The following GRID1 variants were observed in gnomAD, a reference collection of about 807,000 sequenced individuals.
GRID1 encodes the protein glutamate ionotropic receptor delta type subunit 1, also known as glutamate receptor ionotropic, delta-1.
GRID1 carries 28 observed loss-of-function variants against 98.0 expected under a neutral mutation model. That is an observed-to-expected ratio of 0.29 (90% confidence interval 0.21 to 0.39). The LOEUF (loss-of-function observed/expected upper bound fraction) is 0.39, where lower values mean the gene tolerates loss of function less well. Ranked by LOEUF, GRID1 falls within the 10% of genes least tolerant of loss-of-function variation. The pLI is 1.00. For synonymous variants in GRID1, 553 were observed against 538.5 expected, an observed-to-expected ratio of 1.03 and a Z score of -0.37; for missense variants, 1,111 against 1,340.5, an observed-to-expected ratio of 0.83 and a Z score of 2.67.
rs368338243 is a variant in GRID1, at chr10:85,742,916, G to A, written c.1234-13302C>T. ...CAACCTGACACTATTGGCATTTGGGGCCAGATAATTATTTGTGGGTTGGGT... is the reference window on the plus strand; with the variant it reads ...CAACCTGACACTATTGGCATTTGGGACCAGATAATTATTTGTGGGTTGGGT... On this transcript the variant is annotated intron_variant, in intron 8 of 15. Coordinates refer to ENST00000327946, the MANE Select transcript of GRID1 (RefSeq NM_017551.3). Among the ~76,000 whole-genome samples the A allele has an allele frequency of 2.3e-4, 35 of 152,202 alleles. No individual in the cohort carries two copies. In the East Asian group the frequency reaches 3.3e-3, roughly 14 times the overall value.
rs541989915 is a variant in GRID1, at chr10:86,251,395, G to C, written c.236-44747C>G. The stretch of plus-strand genomic sequence containing the variant: ...AAAAAAATTGCATGTATTTTTATAT[G>C]CAATATGACATATTTATGCCAAATT... On this transcript the variant is annotated intron_variant, in intron 2 of 15. Transcript: ENST00000327946. Among the ~76,000 whole-genome samples the C allele has an allele frequency of 2.0e-5, 3 of 150,686 alleles. No individual in the cohort carries two copies. The South Asian group carries it at 6.3e-4, about 32-fold the overall frequency.
intron 15 of GRID1, chr10:85,605,249 G>A (rs900727876): frequency 2.6e-5 from 4 of 152,208 alleles, no homozygotes; most frequent in Admixed American, 6.5e-5. Flanking sequence ...TCGTTTTGGC[G>A]AATATTTGTA....
chr10:86,236,647 C>A (rs529620335), intron 2 of GRID1, among the ~76,000 whole-genome samples: 2 of 152,334 alleles, frequency 1.3e-5, no homozygotes, highest in South Asian at 2.1e-4. Context: ...AGTCTTCACA[C>A]AGCAAAGTGC....
At chr10:86,089,257 C>T (rs1844108319) in intron 4 of GRID1, among the ~76,000 whole-genome samples, 1 of 152,178 alleles carries the variant, frequency 6.6e-6, no homozygotes, top group African/African-American at 2.4e-5. Context: ...CCCTACTTCT[C>T]CCAGCCAGGG....
intron 4 of GRID1, among the ~76,000 whole-genome samples, chr10:86,114,895 T>C (rs1319162216): frequency 6.6e-6 from 1 of 152,136 alleles, no homozygotes; most frequent in Non-Finnish European, 1.5e-5. Context: ...CCAGTACAGG[T>C]ACTCTCACAG....
chr10:85,949,707 G>C (rs1842095494), intron 4 of GRID1, among the ~76,000 whole-genome samples: 1 of 152,134 alleles, frequency 6.6e-6, no homozygotes, highest in African/African-American at 2.4e-5. Context: ...CTGAAACTCA[G>C]TGAATAATCA....
intron 11 of GRID1, 50 bp from the exon 12 acceptor site, chr10:85,723,191 C>T: frequency 6.4e-7 from 1 of 1,551,720 alleles, no homozygotes; most frequent in Non-Finnish European, 8.7e-7. Flanking sequence ...GCTCTCCCTC[C>T]TATCCCCAGG....
chr10:86,268,272 T>C (rs1277252943), intron 2 of GRID1, among the ~76,000 whole-genome samples: 2 of 152,330 alleles, frequency 1.3e-5, no homozygotes, highest in East Asian at 3.9e-4. Flanking sequence ...ATGGAAGCCG[T>C]GTGATAAGCA....
At chr10:85,692,369 A>G (rs983592146) in intron 12 of GRID1, among the ~76,000 whole-genome samples, 3 of 152,206 alleles carry the variant, frequency 2.0e-5, no homozygotes, top group Non-Finnish European at 4.4e-5. Flanking sequence ...AGTGATAGAA[A>G]CAAAAGGAGA....
At chr10:86,170,363 T>C (rs990318327) in intron 3 of GRID1, among the ~76,000 whole-genome samples, 16 of 152,238 alleles carry the variant, frequency 1.1e-4, no homozygotes, top group African/African-American at 3.6e-4. Flanking sequence ...CAAGCCTCAG[T>C]TGACTCCCCG....
chr10:85,914,479 C>T (rs2131823242), intron 5 of GRID1, among the ~76,000 whole-genome samples: 1 of 152,262 alleles, frequency 6.6e-6, no homozygotes, highest in East Asian at 1.9e-4. Flanking sequence ...CAGTCTCTCA[C>T]AGGCTCTGAA....
chr10:85,660,455 C>A (rs963232577), intron 12 of GRID1, among the ~76,000 whole-genome samples: 2 of 152,144 alleles, frequency 1.3e-5, no homozygotes, highest in Non-Finnish European at 2.9e-5. Context: ...CTGGGGATAT[C>A]CAAACATATC....
chr10:86,287,980 C>T lies in GRID1; in HGVS notation c.235+75961G>A, dbSNP rs184356982. Among the ~76,000 whole-genome samples the T allele has an allele frequency of 3.3e-4, 50 of 152,244 alleles. No homozygotes were observed. The East Asian group carries it at 7.5e-3, about 23-fold the overall frequency. Reference sequence around the variant, plus strand: ...CACATGCTCCATGCAGGCCTAGCACCACCCTTCAAGCCTGCCCAGCCCCTG... The same window carrying T: ...CACATGCTCCATGCAGGCCTAGCACTACCCTTCAAGCCTGCCCAGCCCCTG... On this transcript the variant is annotated intron_variant, in intron 2 of 15. Coordinates refer to ENST00000327946, the MANE Select transcript of GRID1 (RefSeq NM_017551.3).
chr10:85,742,706 A>G (rs1216131800), intron 8 of GRID1, among the ~76,000 whole-genome samples: 1 of 152,132 alleles, frequency 6.6e-6, no homozygotes. Context: ...TTGTGACAAT[A>G]TTCCCCATCC....
At chr10:85,803,579 A>C (rs1397129713) in intron 8 of GRID1, among the ~76,000 whole-genome samples, 1 of 152,092 alleles carries the variant, frequency 6.6e-6, no homozygotes, top group African/African-American at 2.4e-5. Context: ...TTAATTAATA[A>C]ATTAATAACA....
chr10:85,831,460 A>T (rs1188715870), intron 8 of GRID1, among the ~76,000 whole-genome samples: 1 of 138,896 alleles, frequency 7.2e-6, no homozygotes, highest in Admixed American at 7.1e-5. Context: ...ATAAAATAAA[A>T]ATAAGAAAAA....
At chr10:86,213,584 C>T (rs1356885275) in intron 2 of GRID1, among the ~76,000 whole-genome samples, 1 of 152,072 alleles carries the variant, frequency 6.6e-6, no homozygotes, top group Non-Finnish European at 1.5e-5. Flanking sequence ...CTCCTCTGGC[C>T]TTTTCCCACA....
In GRID1 at chr10:85,916,225, G is replaced by A. The variant is rs746407429; in HGVS notation, c.741C>T (p.Asn247=). 13 of 1,613,280 alleles carry A rather than the reference G, an allele frequency of 8.1e-6. 1 individual carries two copies. The Admixed American group carries it at 8.3e-5, about 10-fold the overall frequency. ...CCCAGTGGCTGTCCTTGGAAGCCAG[G>A]TTGGTCTCCACGGCCTGCAGAGAGA... ...HSFINEAVET[N]LASKDSHWVF... Residue 247 remains asparagine, a synonymous_variant, in exon 5 of 16, where the codon AAC becomes AAT. Transcript: ENST00000327946. This position sits in a 1 kb window ranked among gnomAD's most constrained non-coding sequence, Gnocchi z 4.0.
Position 85,649,487 on chromosome 10 carries a change from CT to C in GRID1, c.1998-2091del, listed in dbSNP as rs566169350. 1.5e-3 allele frequency among the ~76,000 whole-genome samples: 220 copies of C among 147,098 alleles called. 1 individual carries two copies. Among genetic ancestry groups the C allele is most frequent in the South Asian group, 0.013 (62 of 4,626 alleles). On this transcript the variant is annotated intron_variant, in intron 12 of 15. Transcript: ENST00000327946. The stretch of plus-strand genomic sequence containing the variant: ...TTGCCTGTAATGAAAGGAGGGGGAT[CT>C]TTTTTTTTTTCCACATTTTTAAAAT...
Sources: gnomAD v4.1 joint callset for allele counts (sites outside exome capture counted in the v4.1 genomes callset) on GRCh38, gnomAD v4.1.1 for gene constraint, Gnocchi (gnomAD v3.1) non-coding constraint, MANE v1.5 for transcripts, NCBI Gene and HGNC (gene_info 2026-07-23, HGNC 2026-07-21) for gene names.